The following CUBN variants were observed in gnomAD, a reference collection of about 807,000 sequenced individuals.
The protein encoded by CUBN is 460 kDa receptor.
Under a neutral mutation model 405.3 loss-of-function variants are expected in CUBN, and 282 were observed. The ratio of observed to expected loss-of-function variants is 0.70; its 90% confidence interval spans 0.63 to 0.77. The LOEUF is 0.77. CUBN is among the 30% of genes least tolerant of loss of function. CUBN has a pLI of 0.00. For synonymous variants in CUBN, 1,684 were observed against 1,617.0 expected (o/e 1.04, Z -0.99); for missense variants, 4,514 against 4,475.2 (o/e 1.01, Z -0.25).
At chr10:17,101,907 T>C (rs1051682668) in intron 13 of CUBN, among the ~76,000 whole-genome samples, 11 of 152,206 alleles carry the variant, frequency 7.2e-5, no homozygotes, top group African/African-American at 2.7e-4. Flanking sequence ...AATGGAATGC[T>C]GTAATGTATA....
At chr10:16,979,539 A>G (rs1452368219) in intron 31 of CUBN, among the ~76,000 whole-genome samples, 2 of 152,210 alleles carry the variant, frequency 1.3e-5, no homozygotes, top group Admixed American at 6.5e-5. Context: ...ATAACGCCAC[A>G]CATCTACAAC....
At chr10:17,086,867 T>C (rs1012914552) in intron 15 of CUBN, among the ~76,000 whole-genome samples, 1 of 152,240 alleles carries the variant, frequency 6.6e-6, no homozygotes, top group East Asian at 1.9e-4. Flanking sequence ...TGACACTTTC[T>C]ACCATATGGT....
chr10:16,945,786 A>T (rs967429887), intron 36 of CUBN, among the ~76,000 whole-genome samples: 1 of 151,506 alleles, frequency 6.6e-6, no homozygotes, highest in East Asian at 1.9e-4. Context: ...AAAAAAAAAA[A>T]AAAAGACAAA....
intron 64 of CUBN, among the ~76,000 whole-genome samples, chr10:16,832,607 T>C (rs1318219000): frequency 6.6e-6 from 1 of 152,192 alleles, no homozygotes; most frequent in Non-Finnish European, 1.5e-5. Flanking sequence ...TCTTTCAAAA[T>C]GCCGTTGCTC....
At chr10:16,945,799 A>G (rs1842763340) in intron 36 of CUBN, among the ~76,000 whole-genome samples, 1 of 150,612 alleles carries the variant, frequency 6.6e-6, no homozygotes, top group Non-Finnish European at 1.5e-5. Context: ...AAGACAAACC[A>G]AAACCTCCTT....
rs549080175 is a variant in CUBN at position 16,828,126 on chromosome 10, G to A, written c.10764+679C>T. ...TCTATTTATGCAGAAATAAACATGG[G>A]TATTCAACCCTAGGCAGTGCACTGA... On this transcript the variant is annotated intron_variant, in intron 66 of 66. Transcript: ENST00000377833. Among the ~76,000 whole-genome samples the A allele has an allele frequency of 2.6e-5, 4 of 152,094 alleles. No homozygotes were observed. The East Asian group carries it at 5.8e-4, about 22-fold the overall frequency.
chr10:17,103,103 G>A, intron 13 of CUBN, 22 bp downstream of exon 13: 1 of 1,299,960 alleles, frequency 7.7e-7, no homozygotes, highest in Non-Finnish European at 1.1e-6. Flanking sequence ...ATATGCATTT[G>A]GGCAAGAGTT....
At chr10:16,919,127 T>C (rs1226435560) in intron 44 of CUBN, among the ~76,000 whole-genome samples, 3 of 152,234 alleles carry the variant, frequency 2.0e-5, no homozygotes, top group Non-Finnish European at 4.4e-5. Context: ...ACAACAAATA[T>C]TTTGTTCCAC....
intron 4 of CUBN, among the ~76,000 whole-genome samples, chr10:17,125,445 C>A (rs1466706133): frequency 2.6e-5 from 4 of 152,068 alleles, no homozygotes; most frequent in African/African-American, 9.7e-5. Flanking sequence ...CTTTATGAAC[C>A]CTGTTTTATT....
At chr10:16,835,993 T>G (rs1386205842) in intron 63 of CUBN, among the ~76,000 whole-genome samples, 1 of 152,188 alleles carries the variant, frequency 6.6e-6, no homozygotes, top group African/African-American at 2.4e-5. Context: ...CTACATATAC[T>G]TTGAAGAAAA....
intron 60 of CUBN, among the ~76,000 whole-genome samples, chr10:16,849,131 G>A (rs1406123521): frequency 1.3e-5 from 2 of 152,128 alleles, no homozygotes; most frequent in African/African-American, 2.4e-5. Flanking sequence ...GTCATCCAGT[G>A]CAATGAGGCT....
chr10:16,934,422 G>T (rs1427834571), intron 39 of CUBN, among the ~76,000 whole-genome samples: 2 of 152,142 alleles, frequency 1.3e-5, no homozygotes, highest in Admixed American at 1.3e-4. Context: ...AAATGTTGTA[G>T]AACTAGGTCC....
chr10:16,949,587 ATTAT>A (rs931500326), intron 34 of CUBN, among the ~76,000 whole-genome samples: 7 of 151,748 alleles, frequency 4.6e-5, no homozygotes, highest in Admixed American at 6.7e-5. Flanking sequence ...TAATTAATTA[ATTAT>A]CTAATTAAGT....
intron 6 of CUBN, among the ~76,000 whole-genome samples, chr10:17,119,727 G>C (rs1211639328): frequency 6.6e-6 from 1 of 152,172 alleles, no homozygotes; most frequent in Non-Finnish European, 1.5e-5. Context: ...AACAAAGAGG[G>C]AGTAACAGCA....
At chr10:16,961,465 G>A (rs1843215171) in intron 31 of CUBN, among the ~76,000 whole-genome samples, 1 of 152,172 alleles carries the variant, frequency 6.6e-6, no homozygotes, top group Non-Finnish European at 1.5e-5. Flanking sequence ...CATGTCAAGT[G>A]ACACAGGAGG....
chr10:17,106,163 T>A (rs549615354), intron 10 of CUBN, among the ~76,000 whole-genome samples: 15 of 151,718 alleles, frequency 9.9e-5, no homozygotes, highest in Non-Finnish European at 2.1e-4. Context: ...CACACGCCTG[T>A]AATCCCAGCT....
chr10:17,069,226 A>C (rs1226685622), intron 19 of CUBN, among the ~76,000 whole-genome samples: 1 of 152,216 alleles, frequency 6.6e-6, no homozygotes, highest in Non-Finnish European at 1.5e-5. Context: ...TTCTACTTTT[A>C]AAATTAAAAA....
chr10:17,079,230 AAACTC>A (rs1269417109), intron 17 of CUBN, among the ~76,000 whole-genome samples: 1 of 132,820 alleles, frequency 7.5e-6, no homozygotes, highest in African/African-American at 2.9e-5. Flanking sequence ...TCAAGAATGC[AAACTC>A]TTTTTTTTTT....
rs1268121410 is a variant in CUBN, at chr10:17,114,164, G to A, written c.746C>T (p.Ala249Val). ...GEPKYSCVCDAGWMFSPNSPA... is the reference protein window; with the variant it reads ...GEPKYSCVCDVGWMFSPNSPA... ...GCTGTTGGGTGAAAACATCCACCCA[G>A]CATCACAGACGCAGCTGTACTTGGG... is the stretch of plus-strand genomic sequence containing the variant. The change falls in exon 8 of 67, where the codon GCT becomes GTT. Residue 249 changes from alanine to valine, a missense_variant. Physicochemically the swap from Ala to Val is moderately conservative, Grantham distance 64. Coordinates refer to ENST00000377833, the MANE Select transcript of CUBN (RefSeq NM_001081.4). The A allele has an allele frequency of 1.2e-6, 2 of 1,613,780 alleles. No individual in the cohort carries two copies. The highest frequency in any genetic ancestry group is 2.2e-5 in the South Asian group (2 of 90,946).
Sources: gnomAD v4.1 joint callset for allele counts (sites outside exome capture counted in the v4.1 genomes callset) on GRCh38, gnomAD v4.1.1 for gene constraint, MANE v1.5 for transcripts, NCBI Gene and HGNC (gene_info 2026-07-23, HGNC 2026-07-21) for gene names.